The following PSME4 variants were observed in gnomAD, a reference collection of about 807,000 sequenced individuals.
The protein encoded by PSME4 is proteasome activator subunit 4.
PSME4 carries 89 observed loss-of-function variants against 253.9 expected under a neutral mutation model. The observed-to-expected ratio is 0.35, with a 90% CI of 0.30 to 0.42. The LOEUF (loss-of-function observed/expected upper bound fraction) is 0.42. PSME4 is among the 10% of genes least tolerant of loss of function. The probability of loss-of-function intolerance (pLI) is 1.00; values close to 1 mark genes in which losing one functional copy is unlikely to be tolerated. For missense variants in PSME4, 2,014 were observed against 2,195.2 expected, an observed-to-expected ratio of 0.92 and a Z score of 1.65; for synonymous variants, 851 against 759.2, an observed-to-expected ratio of 1.12 and a Z score of -1.99.
In PSME4 at chr2:53,967,577, G is replaced by C. The variant is rs1222858472; in HGVS notation, c.242+2966C>G. On this transcript the variant is annotated intron_variant, in intron 1 of 46. Transcript: ENST00000404125. The stretch of plus-strand genomic sequence containing the variant: ...GAATCGTTTGAACCAGGGAGGTGGA[G>C]GTGGAGGTTGCAGTGAGCCACGATA... Among the ~76,000 whole-genome samples the C allele has an allele frequency of 2.0e-5, 3 of 146,874 alleles. No homozygotes were observed. The East Asian group carries it at 6.2e-4, about 30-fold the overall frequency.
chr2:53,877,801 A>T (rs1679204970), intron 41 of PSME4, among the ~76,000 whole-genome samples: 1 of 152,226 alleles, frequency 6.6e-6, no homozygotes, highest in Non-Finnish European at 1.5e-5. Flanking sequence ...TGTCATAACA[A>T]AGGCATGATT....
At chr2:53,871,347 T>A (rs920003431) in intron 43 of PSME4, among the ~76,000 whole-genome samples, 1 of 152,002 alleles carries the variant, frequency 6.6e-6, no homozygotes, top group Non-Finnish European at 1.5e-5. Flanking sequence ...ACATCCTGGG[T>A]TGATGCCATT....
chr2:53,881,123 A>G (rs1399396006), intron 41 of PSME4, among the ~76,000 whole-genome samples: 1 of 152,244 alleles, frequency 6.6e-6, no homozygotes, highest in Admixed American at 6.5e-5. Flanking sequence ...CAGATAGATT[A>G]TATACTAAAC....
chr2:53,888,202 G>A (rs577471061), intron 38 of PSME4: 3 of 390,470 alleles, frequency 7.7e-6, no homozygotes, highest in South Asian at 1.4e-4. Flanking sequence ...CACACTACTA[G>A]AAAACTGAAA....
At chr2:53,912,806 T>C (rs2104444838) in intron 20 of PSME4, among the ~76,000 whole-genome samples, 1 of 152,322 alleles carries the variant, frequency 6.6e-6, no homozygotes, top group South Asian at 2.1e-4. Flanking sequence ...AAGAAATCTC[T>C]ACCCATTACC....
At chr2:53,876,023 T>C (rs1044605651) in intron 41 of PSME4, among the ~76,000 whole-genome samples, 5 of 152,220 alleles carry the variant, frequency 3.3e-5, no homozygotes, top group African/African-American at 4.8e-5. Flanking sequence ...TGTTTCATCC[T>C]AAATATTTTA....
chr2:53,939,290 T>C (rs1669270565), intron 4 of PSME4, among the ~76,000 whole-genome samples: 1 of 152,198 alleles, frequency 6.6e-6, no homozygotes, highest in South Asian at 2.1e-4. Context: ...TGATTCCATA[T>C]CATCTAAACA....
At chr2:53,913,698 G>C (rs749104667) in intron 20 of PSME4, among the ~76,000 whole-genome samples, 5 of 152,080 alleles carry the variant, frequency 3.3e-5, no homozygotes, top group African/African-American at 1.2e-4. Context: ...ATGAAAACCT[G>C]GCTCTTATCC....
chr2:53,959,242 G>A (rs891052037), intron 1 of PSME4, among the ~76,000 whole-genome samples: 10 of 152,060 alleles, frequency 6.6e-5, no homozygotes, highest in Non-Finnish European at 1.0e-4. Context: ...GTGTGCACCT[G>A]TAGTCCCAGC....
At position 53,901,573 on chromosome 2, in the gene PSME4, A is replaced by T. The variant is rs199545991; in HGVS notation, c.3076-14T>A. 1.9e-3 allele frequency: 2,984 copies of T among 1,585,770 alleles called. 9 individuals carry two copies. Among genetic ancestry groups the T allele is most frequent in the East Asian group, 2.8e-3 (124 of 44,472 alleles). ...GTACAAGGCACCCTGCAGAAAAAAA[A>T]ATATATATATGTTTACATGGGAAAT... On this transcript the variant is annotated splice_polypyrimidine_tract_variant and intron_variant, in intron 27 of 46. Transcript: ENST00000404125.
rs1573404421 is a variant in PSME4, at chr2:53,970,794, G to A, written c.-10C>T. On this transcript the variant is annotated 5_prime_UTR_variant, in exon 1 of 47. Coordinates refer to ENST00000404125, the MANE Select transcript of PSME4 (RefSeq NM_014614.3). ...GCTCGGCCGGCTCCATGAGCCCAGG[G>A]ACACCCCCCCCACCCCCTCCCACCC... 1.3e-6 allele frequency: 2 copies of A among 1,528,916 alleles called. No individual in the cohort carries two copies. The highest frequency in any genetic ancestry group is 1.4e-5 in the African/African-American group (1 of 72,008). The allele number at this position is 1,528,916 out of a possible 1,614,324, so 94.7% of individuals were successfully genotyped here. A position where few individuals can be genotyped will look rare whatever the true frequency, so the allele number is the denominator to read the frequency against.
At chr2:53,937,612 G>T in intron 4 of PSME4, 72 bp from the exon 5 acceptor site, 1 of 1,413,284 alleles carries the variant, frequency 7.1e-7, no homozygotes, top group South Asian at 1.3e-5. Context: ...ATATATAACT[G>T]ACCAAAAGGC....
intron 40 of PSME4, among the ~76,000 whole-genome samples, chr2:53,886,562 A>T (rs1365278115): frequency 6.6e-6 from 1 of 152,228 alleles, no homozygotes. Flanking sequence ...CAAACAAAAC[A>T]GGTGGCGAGA....
Position 53,970,613 on chromosome 2 carries a change from T to C in PSME4, c.172A>G (p.Asn58Asp). The change falls in exon 1 of 47, where the codon AAC becomes GAC. Residue 58 changes from asparagine to aspartate, a missense_variant. This residue lies in a region of PSME4 where 615 missense variants were observed against 594.4 expected (regional missense o/e 1.03). Transcript: ENST00000404125. ...SDLQLAQIKC[N>D]LGRAVQLQEL... ...TGGAGCTGCACGGCCCGGCCCAGGT[T>C]GCATTTGATCTGGGCCAGCTGCAAG... The C allele has an allele frequency of 6.5e-7, 1 of 1,549,882 alleles. No individual in the cohort carries two copies. The highest frequency in any genetic ancestry group is 8.7e-7 in the Non-Finnish European group (1 of 1,146,916).
intron 1 of PSME4, among the ~76,000 whole-genome samples, chr2:53,961,542 C>T (rs1670496236): frequency 1.3e-5 from 2 of 152,018 alleles, no homozygotes; most frequent in Admixed American, 1.3e-4. Flanking sequence ...GCTGGGTGTG[C>T]TGATACATGC....
intron 40 of PSME4, among the ~76,000 whole-genome samples, chr2:53,886,236 CT>C (rs1679630500): frequency 1.3e-5 from 2 of 152,136 alleles, no homozygotes; most frequent in African/African-American, 4.8e-5. Flanking sequence ...ATGGAGACCC[CT>C]GTCTCTAGAA....
intron 20 of PSME4, among the ~76,000 whole-genome samples, chr2:53,916,413 T>C (rs1264542582): frequency 6.6e-6 from 1 of 152,188 alleles, no homozygotes; most frequent in Non-Finnish European, 1.5e-5. Context: ...TTCATGACAA[T>C]TATGTGTTTC....
chr2:53,966,219 G>C, intron 1 of PSME4, among the ~76,000 whole-genome samples: 1 of 152,192 alleles, frequency 6.6e-6, no homozygotes, highest in East Asian at 1.9e-4. Context: ...GGGAGGCAGA[G>C]GCTGCAGTGA....
In PSME4 at chr2:53,928,228, G is replaced by A. The variant is rs770712653; in HGVS notation, c.1392C>T (p.Ala464=). 9.3e-6 allele frequency: 15 copies of A among 1,613,972 alleles called. No individual in the cohort carries two copies. The highest frequency in any genetic ancestry group is 1.6e-4 in the Middle Eastern group (1 of 6,084). ...TATLSCVIGV[A]RSLVSGGRWF... ...ATCTGCCTCCTGATACCAAACTGCG[G>A]GCTACTCCAATTACACAACTTAAAG... The change falls in exon 11 of 47, where the codon GCC becomes GCT. Residue 464 remains alanine, a synonymous_variant. Transcript: ENST00000404125.
Sources: allele counts gnomAD v4.1 joint callset (sites outside exome capture counted in the v4.1 genomes callset), GRCh38; gene constraint gnomAD v4.1.1; regional missense constraint gnomAD v4.1.1; transcripts MANE v1.5; gene names NCBI Gene and HGNC (gene_info 2026-07-23, HGNC 2026-07-21).